Variants in CPVL observed in about 807,000 individuals in gnomAD.
CPVL encodes probable serine carboxypeptidase CPVL.
Under a neutral mutation model 63.7 loss-of-function variants are expected in CPVL, and 51 were observed. The ratio of observed to expected loss-of-function variants is 0.80; its 90% confidence interval spans 0.64 to 1.01. The LOEUF (loss-of-function observed/expected upper bound fraction) is 1.01, where lower values mean the gene tolerates loss of function less well. Ranked by LOEUF, CPVL falls within the 50% of genes least tolerant of loss-of-function variation. The probability of loss-of-function intolerance (pLI) is 0.00; values close to 1 mark genes in which losing one functional copy is unlikely to be tolerated. For missense variants in CPVL, 530 were observed against 573.1 expected (o/e 0.92, Z 0.77); for synonymous variants, 195 against 206.0 (o/e 0.95, Z 0.46).
chr7:29,113,276 C>T (rs1314112296), intron 2 of CPVL, among the ~76,000 whole-genome samples: 11 of 151,932 alleles, frequency 7.2e-5, no homozygotes, highest in Admixed American at 7.2e-4. Context: ...GTGTCCTTCA[C>T]GCTCTTGTTT....
At chr7:29,015,642 T>C (rs1031114725) in intron 12 of CPVL, among the ~76,000 whole-genome samples, 12 of 152,184 alleles carry the variant, frequency 7.9e-5, no homozygotes, top group Non-Finnish European at 7.3e-5. Flanking sequence ...AAACCTCTTT[T>C]CTTAGAAATT....
Position 29,109,258 on chromosome 7 carries a change from A to G in CPVL, c.288+3446T>C, listed in dbSNP as rs575863235. 3.9e-5 allele frequency among the ~76,000 whole-genome samples: 6 copies of G among 152,346 alleles called. No individual in the cohort carries two copies. The South Asian group carries it at 1.2e-3, about 32-fold the overall frequency. On this transcript the variant is annotated intron_variant, in intron 3 of 12. Transcript: ENST00000265394. The stretch of plus-strand genomic sequence containing the variant: ...TGGAATTTATTCTGCACTGATTTGT[A>G]TACAATAACAGGGCAGTCTCACAGC...
chr7:29,028,052 A>G (rs890685617), intron 12 of CPVL, among the ~76,000 whole-genome samples: 2 of 152,204 alleles, frequency 1.3e-5, no homozygotes. Context: ...ATATACTACA[A>G]AGCAATAACA....
At chr7:29,141,914 C>CAA (rs35465616) in intron 1 of CPVL, among the ~76,000 whole-genome samples, 22 of 143,526 alleles carry the variant, frequency 1.5e-4, no homozygotes, top group East Asian at 1.0e-3. Flanking sequence ...GACACCATCT[C>CAA]AAAAAAAAAA....
At chr7:29,044,969 T>C (rs371834547) in intron 11 of CPVL, among the ~76,000 whole-genome samples, 17 of 152,350 alleles carry the variant, frequency 1.1e-4, no homozygotes, top group East Asian at 9.6e-4. Flanking sequence ...TACTTTCTAA[T>C]GTTTTAAGCA....
chr7:29,057,455 C>T (rs1240078811), intron 11 of CPVL, among the ~76,000 whole-genome samples: 1 of 152,160 alleles, frequency 6.6e-6, no homozygotes. Flanking sequence ...CTTATCTTCT[C>T]ATTTACTTGA....
chr7:29,088,506 T>C (rs1785429627), intron 6 of CPVL, among the ~76,000 whole-genome samples: 1 of 152,230 alleles, frequency 6.6e-6, no homozygotes, highest in South Asian at 2.1e-4. Flanking sequence ...CACTCCTGTT[T>C]CTTAAAAGAG....
intron 2 of CPVL, among the ~76,000 whole-genome samples, chr7:29,116,908 T>C (rs1761034316): frequency 6.6e-6 from 1 of 152,208 alleles, no homozygotes; most frequent in African/African-American, 2.4e-5. Context: ...TCGAAAATGT[T>C]CCATTGCAAT....
At chr7:29,027,562 T>C (rs1235347562) in intron 12 of CPVL, among the ~76,000 whole-genome samples, 1 of 152,168 alleles carries the variant, frequency 6.6e-6, no homozygotes, top group African/African-American at 2.4e-5. Context: ...GCTGACACGA[T>C]CTTTTATACA....
chr7:29,003,780 C>T (rs548202429), intron 12 of CPVL, among the ~76,000 whole-genome samples: 1 of 152,158 alleles, frequency 6.6e-6, no homozygotes, highest in East Asian at 1.9e-4. Context: ...GGGGATGACA[C>T]TGTTCCACTT....
chr7:29,026,740 A>T (rs1787533237), intron 12 of CPVL, among the ~76,000 whole-genome samples: 1 of 152,120 alleles, frequency 6.6e-6, no homozygotes, highest in Non-Finnish European at 1.5e-5. Flanking sequence ...TGGAAAACCT[A>T]GGGGAATGGA....
chr7:29,066,817 G>C (rs999874584), intron 9 of CPVL, among the ~76,000 whole-genome samples: 4 of 152,224 alleles, frequency 2.6e-5, no homozygotes, highest in African/African-American at 7.2e-5. Flanking sequence ...ATGGTTGCAT[G>C]CTTTCCTCCA....
At chr7:29,166,654 G>C (rs1795955040) in intron 5 of CPVL, among the ~76,000 whole-genome samples, 1 of 152,008 alleles carries the variant, frequency 6.6e-6, no homozygotes, top group East Asian at 1.9e-4. Context: ...TGGCAAAAAA[G>C]ATGGTTGTAA....
intron 12 of CPVL, among the ~76,000 whole-genome samples, chr7:28,999,720 T>A (rs17157358): frequency 6.6e-6 from 1 of 152,222 alleles, no homozygotes; most frequent in East Asian, 1.9e-4. Context: ...CCTAATGGCA[T>A]TGTAAATTGT....
At chr7:29,127,783 G>T (rs1364412308) in intron 1 of CPVL, among the ~76,000 whole-genome samples, 2 of 152,104 alleles carry the variant, frequency 1.3e-5, no homozygotes, top group Non-Finnish European at 2.9e-5. Context: ...GAGGCTGAAA[G>T]GAATCTGAAC....
rs868098261 is a variant in CPVL at position 29,090,772 on chromosome 7, C to G, written c.542+1851G>C. Among the ~76,000 whole-genome samples, 9 of 152,310 alleles carry G rather than the reference C, an allele frequency of 5.9e-5. No individual in the cohort carries two copies. The South Asian group carries it at 1.9e-3, about 32-fold the overall frequency. On this transcript the variant is annotated intron_variant, in intron 6 of 12. Coordinates refer to ENST00000265394, the MANE Select transcript of CPVL (RefSeq NM_031311.5). The stretch of plus-strand genomic sequence containing the variant: ...GAAAAGTGGGAGAGTATTTTAACAT[C>G]TTGTTCGTGAAAAAGTTTTATTTCC...
intron 11 of CPVL, among the ~76,000 whole-genome samples, chr7:29,042,975 C>T (rs1381069102): frequency 6.6e-6 from 1 of 152,218 alleles, no homozygotes; most frequent in Non-Finnish European, 1.5e-5. Context: ...CCTCCCATAA[C>T]AAACTTGCCT....
chr7:29,019,282 C>T (rs140045032), intron 12 of CPVL, among the ~76,000 whole-genome samples: 48 of 152,256 alleles, frequency 3.2e-4, no homozygotes, highest in Non-Finnish European at 5.9e-4. Context: ...GTCTGCTGCT[C>T]GGATTATATA....
At chr7:29,180,716 A>G (rs940364799) in intron 5 of CPVL, among the ~76,000 whole-genome samples, 1 of 152,208 alleles carries the variant, frequency 6.6e-6, no homozygotes, top group African/African-American at 2.4e-5. Context: ...ACACTAACAC[A>G]CTAATTAAGG....
Sources: allele counts gnomAD v4.1 joint callset (sites outside exome capture counted in the v4.1 genomes callset), GRCh38; gene constraint gnomAD v4.1.1; transcripts MANE v1.5; gene names NCBI Gene and HGNC (gene_info 2026-07-23, HGNC 2026-07-21).